The following VIL1 variants were observed in gnomAD, a reference collection of about 807,000 sequenced individuals.
VIL1 encodes villin-1.
Under a neutral mutation model 104.0 loss-of-function variants are expected in VIL1, and 86 were observed. The observed-to-expected ratio is 0.83, with a 90% CI of 0.69 to 0.99. The LOEUF (loss-of-function observed/expected upper bound fraction) is 0.99. Among genes scored for constraint, VIL1 ranks in the 50% least tolerant of loss-of-function variants. The probability of loss-of-function intolerance (pLI) is 0.00; values close to 1 mark genes in which losing one functional copy is unlikely to be tolerated. For missense variants in VIL1, 944 were observed against 1,054.1 expected (o/e 0.90, Z 1.45); for synonymous variants, 394 against 412.6 (o/e 0.95, Z 0.55).
At chr2:218,428,964 G>A (rs1267171169) in intron 6 of VIL1, among the ~76,000 whole-genome samples, 1 of 152,158 alleles carries the variant, frequency 6.6e-6, no homozygotes, top group Non-Finnish European at 1.5e-5. Flanking sequence ...ACATGATTGA[G>A]TACTGTGATC....
At position 218,428,318 on chromosome 2, in the gene VIL1, C is replaced by G. The variant is rs758694913; in HGVS notation, c.548C>G (p.Thr183Ser). ...LIIQWNGPES[T>S]RMERLRGMTL... ...ATCCAGTGGAATGGACCGGAAAGCA[C>G]CCGTATGGAGAGACTCAGGGTAAAC... Residue 183 changes from threonine to serine, a missense_variant, in exon 6 of 20, where the codon ACC becomes AGC. Coordinates refer to ENST00000248444, the MANE Select transcript of VIL1 (RefSeq NM_007127.3). The G allele has an allele frequency of 6.2e-7, 1 of 1,614,142 alleles. No homozygotes were observed. Among genetic ancestry groups the G allele is most frequent in the Non-Finnish European group, 8.5e-7 (1 of 1,180,010 alleles).
chr2:218,449,558 C>T lies in VIL1; in HGVS notation c.*222C>T, dbSNP rs1689432689. On this transcript the variant is annotated 3_prime_UTR_variant, in exon 20 of 20. Coordinates refer to ENST00000248444, the MANE Select transcript of VIL1 (RefSeq NM_007127.3). ...GTCCTCATTTCAACTTCTAAGGTCG[C>T]TAGATTGTTTCTATCCTGAGGTATT... 6.7e-6 allele frequency: 3 copies of T among 450,950 alleles called. No individual in the cohort carries two copies. In the East Asian group the frequency reaches 1.3e-4, roughly 19 times the overall value. The allele number at this position is 450,950 out of a possible 1,614,324, so 27.9% of individuals were successfully genotyped here.
intron 9 of VIL1, 141 bp from the exon 10 acceptor site, chr2:218,430,584 T>C (rs1358327736): frequency 9.1e-6 from 10 of 1,093,292 alleles, no homozygotes; most frequent in South Asian, 6.9e-5. Context: ...GGGATTAGCA[T>C]TGGGATTGGG....
In VIL1 at chr2:218,425,582, G is replaced by T. The variant is rs773707419; in HGVS notation, c.151-33G>T. 6.5e-5 allele frequency: 104 copies of T among 1,610,146 alleles called. No individual in the cohort carries two copies. The South Asian group carries it at 1.1e-3, about 17-fold the overall frequency. On this transcript the variant is annotated intron_variant, in intron 3 of 19. Transcript: ENST00000248444. ...GAGCTGGAGGGGCTGTGGGAGCCCA[G>T]GGTCTCGGGTACACTGGACACCTTT...
Position 218,438,706 on chromosome 2 carries a change from G to A in VIL1, c.2209G>A (p.Asp737Asn). 2 of 1,612,320 alleles carry A rather than the reference G, an allele frequency of 1.2e-6. No individual in the cohort carries two copies. Among genetic ancestry groups the A allele is most frequent in the Non-Finnish European group, 1.7e-6 (2 of 1,179,640 alleles). ...GAAGGCGGAGCTTGGCAACTCTAGG[G>A]ACTGGAGCCAGATCACTGCTGTGAG... ...DLKAELGNSR[D>N]WSQITAEVTS... is the part of the protein sequence containing the mutation. The change falls in exon 18 of 20, where the codon GAC becomes AAC. Residue 737 changes from aspartate to asparagine, a missense_variant. Asp to Asn is a conservative substitution (Grantham distance 23). Transcript: ENST00000248444.
At chr2:218,424,213 T>C in intron 2 of VIL1, 64 bp from the exon 3 acceptor site, 2 of 1,483,094 alleles carry the variant, frequency 1.3e-6, no homozygotes, top group Admixed American at 1.8e-5. Flanking sequence ...CCTTGGGCCC[T>C]CCTCCCAGGC....
intron 17 of VIL1, among the ~76,000 whole-genome samples, chr2:218,438,407 C>T (rs1689230612): frequency 6.6e-6 from 1 of 152,254 alleles, no homozygotes; most frequent in Non-Finnish European, 1.5e-5. Context: ...CTGCCCATCC[C>T]CATGTCAGGC....
chr2:218,431,949 G>T lies in VIL1; in HGVS notation c.1195G>T (p.Glu399Ter), dbSNP rs1190225545. ...QQKMVDDGSG[E>*]VQVWRIENLE... ...GAAGATGGTAGATGATGGGAGTGGG[G>T]AAGTGCAGGTATGTGAGGGCAGAGA... The change falls in exon 11 of 20, where the codon GAA (glutamate) becomes TAA (stop). Residue 399 changes from glutamate (E) to a stop codon, truncating the protein, a stop_gained. Coordinates refer to ENST00000248444, the MANE Select transcript of VIL1 (RefSeq NM_007127.3). LOFTEE classifies it high-confidence loss of function. 1.9e-6 allele frequency: 3 copies of T among 1,613,996 alleles called. No individual in the cohort carries two copies. The highest frequency in any genetic ancestry group is 1.6e-4 in the Middle Eastern group (1 of 6,062).
chr2:218,429,331 G>A lies in VIL1; in HGVS notation c.614G>A (p.Arg205His), dbSNP rs373841622. The A allele has an allele frequency of 3.3e-5, 53 of 1,613,966 alleles. No individual in the cohort carries two copies. In the South Asian group the frequency reaches 3.4e-4, roughly 10 times the overall value. ...ATCCGAGACCAGGAGCGGGGAGGGC[G>A]CACCTATGTAGGCGTGGTGGACGGA... is the stretch of plus-strand genomic sequence containing the variant. ...KEIRDQERGG[R>H]TYVGVVDGEN... Residue 205 changes from arginine (R) to histidine (H), a missense_variant, in exon 7 of 20, where the codon CGC becomes CAC. Physicochemically the swap from Arg to His is conservative, Grantham distance 29. Coordinates refer to ENST00000248444, the MANE Select transcript of VIL1 (RefSeq NM_007127.3).
At chr2:218,429,794 C>T in intron 8 of VIL1, 55 bp from the exon 9 acceptor site, 12 of 1,591,094 alleles carry the variant, frequency 7.5e-6, no homozygotes, top group Non-Finnish European at 1.0e-5. Flanking sequence ...GTGTGTGAGG[C>T]TTTCCCAGTC....
chr2:218,439,446 T>A (rs1003999888), intron 18 of VIL1, among the ~76,000 whole-genome samples: 11 of 152,136 alleles, frequency 7.2e-5, no homozygotes, highest in Admixed American at 4.6e-4. Flanking sequence ...AATAATGCTG[T>A]CTCTATACTC....
At position 218,434,576 on chromosome 2, in the gene VIL1, G is replaced by A; in HGVS notation, c.1551G>A (p.Leu517=). 6.2e-7 allele frequency: 1 copy of A among 1,614,132 alleles called. No homozygotes were observed. Among genetic ancestry groups the A allele is most frequent in the Non-Finnish European group, 8.5e-7 (1 of 1,180,014 alleles). ...TGGAGACCGGGCCCTCCACACGGCTGTTCCAGGTCCAGGGAACTGGCGCCA... is the reference window on the plus strand; with the variant it reads ...TGGAGACCGGGCCCTCCACACGGCTATTCCAGGTCCAGGGAACTGGCGCCA... ...NNLETGPSTR[L]FQVQGTGANN... Residue 517 remains leucine (L), a synonymous_variant, in exon 14 of 20, where the codon CTG becomes CTA. Coordinates refer to ENST00000248444, the MANE Select transcript of VIL1 (RefSeq NM_007127.3).
intron 13 of VIL1, 119 bp downstream of exon 13, chr2:218,433,070 G>C (rs551118200): frequency 1.6e-6 from 2 of 1,254,932 alleles, no homozygotes; most frequent in Non-Finnish European, 2.2e-6. Context: ...TTCTTCATAG[G>C]AGACTACCCT....
Position 218,429,398 on chromosome 2 carries a change from C to T in VIL1, c.681C>T (p.Asn227=), listed in dbSNP as rs745552528. 7.4e-6 allele frequency: 12 copies of T among 1,614,130 alleles called. No homozygotes were observed. The South Asian group carries it at 1.3e-4, about 18-fold the overall frequency. Reference sequence around the variant, plus strand: ...CCCCGAAGCTGATGGAGGTGATGAACCACGTGCTGGGCAAGCGCAGGGAGC... The same window carrying T: ...CCCCGAAGCTGATGGAGGTGATGAATCACGTGCTGGGCAAGCGCAGGGAGC... ...LASPKLMEVM[N]HVLGKRRELK... Residue 227 remains asparagine, a synonymous_variant, in exon 7 of 20, where the codon AAC becomes AAT. Coordinates refer to ENST00000248444, the MANE Select transcript of VIL1 (RefSeq NM_007127.3).
rs1437883663 is a variant in VIL1, at chr2:218,436,549, C to T, written c.1894C>T (p.Leu632=). ...FECSNKTGRF[L]ATEIPDFNQD... is the part of the protein sequence containing the mutation. ...GTGTTCCAACAAGACTGGGCGCTTCCTGGCCACAGAGATCCCTGACTTCAA... is the reference window on the plus strand; with the variant it reads ...GTGTTCCAACAAGACTGGGCGCTTCTTGGCCACAGAGATCCCTGACTTCAA... The change falls in exon 16 of 20, where the codon CTG becomes TTG. Residue 632 remains leucine (L), a synonymous_variant. Transcript: ENST00000248444. 6.2e-7 allele frequency: 1 copy of T among 1,614,118 alleles called. No individual in the cohort carries two copies. Among genetic ancestry groups the T allele is most frequent in the South Asian group, 1.1e-5 (1 of 91,064 alleles).
Position 218,436,543 on chromosome 2 carries a change from C to T in VIL1, c.1888C>T (p.Arg630Cys), listed in dbSNP as rs35470223. 2.3e-3 allele frequency: 3,789 copies of T among 1,614,024 alleles called. 90 individuals carry two copies. The African/African-American group carries it at 0.045, about 19-fold the overall frequency. The part of the protein sequence containing the change: ...RLFECSNKTG[R>C]FLATEIPDFN... Reference sequence around the variant, plus strand: ...CTTTGAGTGTTCCAACAAGACTGGGCGCTTCCTGGCCACAGAGATCCCTGA... The same window carrying T: ...CTTTGAGTGTTCCAACAAGACTGGGTGCTTCCTGGCCACAGAGATCCCTGA... Residue 630 changes from arginine (R) to cysteine (C), a missense_variant, in exon 16 of 20, where the codon CGC becomes TGC. Arg to Cys is a radical substitution (Grantham distance 180). Coordinates refer to ENST00000248444, the MANE Select transcript of VIL1 (RefSeq NM_007127.3).
chr2:218,422,345 T>C (rs928915044), intron 1 of VIL1, among the ~76,000 whole-genome samples: 3 of 152,198 alleles, frequency 2.0e-5, no homozygotes, highest in Non-Finnish European at 2.9e-5. Flanking sequence ...TCCTCCTTTA[T>C]ACCCAACCTG....
rs142808052 is a variant in VIL1 at position 218,442,780 on chromosome 2, A to C, written c.2370+1918A>C. 1.0e-3 allele frequency among the ~76,000 whole-genome samples: 152 copies of C among 152,304 alleles called. 2 individuals are homozygous for C. Among genetic ancestry groups the C allele is most frequent in the Admixed American group, 7.4e-3 (113 of 15,298 alleles). ...ATGAATCAAGGGATCTACAGAAGAG[A>C]GATACCTAGTTTCTCTCTCAGAACA... On this transcript the variant is annotated intron_variant, in intron 19 of 19. Transcript: ENST00000248444.
intron 19 of VIL1, among the ~76,000 whole-genome samples, chr2:218,443,276 G>A (rs1266880133): frequency 1.3e-5 from 2 of 149,346 alleles, no homozygotes; most frequent in Non-Finnish European, 3.0e-5. Context: ...TCGGCTCACT[G>A]CAACCTCTGC....
Sources: allele counts gnomAD v4.1 joint callset (sites outside exome capture counted in the v4.1 genomes callset), GRCh38; gene constraint gnomAD v4.1.1; transcripts MANE v1.5; gene names NCBI Gene and HGNC (gene_info 2026-07-23, HGNC 2026-07-21).